Variants in ROBO2 observed in about 807,000 individuals in gnomAD.
ROBO2 encodes the protein roundabout guidance receptor 2, also known as roundabout homolog 2.
ROBO2 carries 53 observed loss-of-function variants against 160.8 expected under a neutral mutation model. The observed-to-expected ratio is 0.33, with a 90% CI of 0.26 to 0.41. The LOEUF is 0.41. Among genes scored for constraint, ROBO2 ranks in the 10% least tolerant of loss-of-function variants. The pLI is 1.00. For missense variants in ROBO2, 1,577 were observed against 1,722.4 expected, an observed-to-expected ratio of 0.92 and a Z score of 1.49; for synonymous variants, 664 against 611.7, an observed-to-expected ratio of 1.09 and a Z score of -1.26.
intron 2 of ROBO2, among the ~76,000 whole-genome samples, chr3:76,645,307 T>C (rs1394557366): frequency 6.6e-6 from 1 of 152,218 alleles, no homozygotes; most frequent in African/African-American, 2.4e-5. Flanking sequence ...TTCTAACCTA[T>C]TTTATTACAG....
At chr3:77,391,502 A>G (rs1672665910) in intron 2 of ROBO2, among the ~76,000 whole-genome samples, 1 of 151,964 alleles carries the variant, frequency 6.6e-6, no homozygotes, top group African/African-American at 2.4e-5. Flanking sequence ...ACATGGCAAC[A>G]GGCAAGAGAG....
At chr3:76,952,819 A>G (rs2079037428) in intron 2 of ROBO2, among the ~76,000 whole-genome samples, 1 of 152,116 alleles carries the variant, frequency 6.6e-6, no homozygotes, top group African/African-American at 2.4e-5. Flanking sequence ...ATTAAACTGA[A>G]TTTTCAGATT....
chr3:75,937,530 T>C (rs2107014970), exon 2 of ROBO2: 1 of 1,579,150 alleles, frequency 6.3e-7, no homozygotes, highest in Non-Finnish European at 8.6e-7. Flanking sequence ...TAGAAGGATG[T>C]GGACATGGGC....
intron 2 of ROBO2, among the ~76,000 whole-genome samples, chr3:76,715,280 A>G (rs1162992085): frequency 1.3e-5 from 2 of 152,166 alleles, no homozygotes; most frequent in African/African-American, 2.4e-5. Flanking sequence ...ATACTTCATG[A>G]TATGCTTTTG....
At chr3:77,502,061 G>A (rs1346591025) in intron 5 of ROBO2, among the ~76,000 whole-genome samples, 1 of 152,108 alleles carries the variant, frequency 6.6e-6, no homozygotes, top group Non-Finnish European at 1.5e-5. Context: ...ATGCTATGAT[G>A]TAAACATTAT....
At chr3:76,575,231 C>T (rs2085214232) in intron 2 of ROBO2, among the ~76,000 whole-genome samples, 1 of 151,980 alleles carries the variant, frequency 6.6e-6, no homozygotes, top group Admixed American at 6.6e-5. Flanking sequence ...CTTTCCATTT[C>T]TGTACAGTTT....
intron 5 of ROBO2, among the ~76,000 whole-genome samples, chr3:77,509,799 C>T (rs1424731216): frequency 6.6e-6 from 1 of 151,996 alleles, no homozygotes; most frequent in Admixed American, 6.6e-5. Flanking sequence ...TCACGGCTGC[C>T]TACTAGGTTC....
rs1426912418 is a variant in ROBO2 at position 76,969,807 on chromosome 3, GTGTGTGTGTTAGTGTA to G, written c.110-128191_110-128176del. Among the ~76,000 whole-genome samples the G allele has an allele frequency of 3.9e-4, 60 of 152,092 alleles. 1 individual carries two copies. In the South Asian group the frequency reaches 9.1e-3, roughly 23 times the overall value. ...AAACCAATCATATCAGAAGAGCTCT[GTGTGTGTGTTAGTGTA>G]TGTGTGTGTTAGTGTGTGTGTGTGT... On this transcript the variant is annotated intron_variant, in intron 2 of 26. Coordinates refer to the ROBO2 transcript ENST00000487694.
chr3:76,133,417 A>G (rs114072374), intron 2 of ROBO2, among the ~76,000 whole-genome samples: 1,533 of 152,190 alleles, frequency 0.01, 29 homozygotes, highest in African/African-American at 0.032. Context: ...TAATACATGT[A>G]TTAGTCTACT....
At chr3:76,156,804 T>C (rs2072426557) in intron 2 of ROBO2, among the ~76,000 whole-genome samples, 2 of 152,098 alleles carry the variant, frequency 1.3e-5, no homozygotes. Context: ...TCATCTCTAC[T>C]AAAAATACAA....
intron 2 of ROBO2, among the ~76,000 whole-genome samples, chr3:76,750,894 C>G (rs1169637522): frequency 6.6e-6 from 1 of 152,040 alleles, no homozygotes; most frequent in African/African-American, 2.4e-5. Context: ...AGATTCAATG[C>G]CATCCCCATC....
chr3:76,824,477 A>G (rs893142154), intron 2 of ROBO2, among the ~76,000 whole-genome samples: 4 of 152,232 alleles, frequency 2.6e-5, no homozygotes, highest in Admixed American at 1.3e-4. Flanking sequence ...TTTCTTTCAC[A>G]TCTTCCTATT....
chr3:77,173,478 A>G lies in ROBO2; in HGVS notation c.388+75138A>G, dbSNP rs148843428. Reference sequence around the variant, plus strand: ...TAATTGTGTTTGCCCCTTCATGTGTATGATGCAAAGACTTTCAGATTGAGA... The same window carrying G: ...TAATTGTGTTTGCCCCTTCATGTGTGTGATGCAAAGACTTTCAGATTGAGA... On this transcript the variant is annotated intron_variant, in intron 2 of 25. Transcript: ENST00000461745. Among the ~76,000 whole-genome samples, 947 of 152,112 alleles carry G rather than the reference A, an allele frequency of 6.2e-3. 8 individuals are homozygous for G. Among genetic ancestry groups the G allele is most frequent in the Middle Eastern group, 0.017 (5 of 294 alleles).
At chr3:76,841,694 C>T (rs191693676) in intron 2 of ROBO2, among the ~76,000 whole-genome samples, 1 of 152,116 alleles carries the variant, frequency 6.6e-6, no homozygotes, top group Admixed American at 6.6e-5. Flanking sequence ...TTCATGCCAC[C>T]TAATTGAAAA....
chr3:76,713,333 T>G (rs1260013982), intron 2 of ROBO2, among the ~76,000 whole-genome samples: 1 of 152,202 alleles, frequency 6.6e-6, no homozygotes, highest in East Asian at 1.9e-4. Flanking sequence ...AAATAATTTC[T>G]TTCTAGTTTT....
At chr3:77,475,621 G>A (rs1221812363) in intron 2 of ROBO2, among the ~76,000 whole-genome samples, 1 of 152,186 alleles carries the variant, frequency 6.6e-6, no homozygotes, top group Non-Finnish European at 1.5e-5. Flanking sequence ...TTTGTTGCCA[G>A]TACCGGATAT....
At chr3:76,674,149 A>G (rs1160044738) in intron 2 of ROBO2, among the ~76,000 whole-genome samples, 1 of 152,208 alleles carries the variant, frequency 6.6e-6, no homozygotes, top group African/African-American at 2.4e-5. Flanking sequence ...CTACATTCCA[A>G]TTGATACTCT....
rs1577267429 is a variant in ROBO2 at position 76,887,767 on chromosome 3, G to A, written c.110-210247G>A. On this transcript the variant is annotated intron_variant, in intron 2 of 26. Coordinates refer to the ROBO2 transcript ENST00000487694. Reference sequence around the variant, plus strand: ...TGTACATTTATTTTTCAAACCTCAGGAAGCCATATTGAGCTCTTAATCTCA... The same window carrying A: ...TGTACATTTATTTTTCAAACCTCAGAAAGCCATATTGAGCTCTTAATCTCA... Among the ~76,000 whole-genome samples, 2 of 152,052 alleles carry A rather than the reference G, an allele frequency of 1.3e-5. 1 individual carries two copies. The highest frequency in any genetic ancestry group is 4.1e-4 in the South Asian group (2 of 4,822).
chr3:76,099,639 T>C (rs1305954653), intron 2 of ROBO2, among the ~76,000 whole-genome samples: 1 of 152,208 alleles, frequency 6.6e-6, no homozygotes, highest in Non-Finnish European at 1.5e-5. Flanking sequence ...TATAGAATCC[T>C]GTAAATTTTA....
Sources: allele counts gnomAD v4.1 joint callset (sites outside exome capture counted in the v4.1 genomes callset), GRCh38; gene constraint gnomAD v4.1.1; transcripts MANE v1.5; gene names NCBI Gene and HGNC (gene_info 2026-07-23, HGNC 2026-07-21).